COG2: variants seen among roughly 807,000 people sequenced by gnomAD.
The protein encoded by COG2 is conserved oligomeric Golgi complex subunit 2.
COG2 carries 52 observed loss-of-function variants against 90.6 expected under a neutral mutation model. That is an observed-to-expected ratio of 0.57 (90% CI 0.46 to 0.72). The LOEUF is 0.72. Ranked by LOEUF, COG2 falls within the 30% of genes least tolerant of loss-of-function variation. COG2 has a pLI of 0.00. For missense variants in COG2, 829 were observed against 891.2 expected, an observed-to-expected ratio of 0.93 and a Z score of 0.89; for synonymous variants, 337 against 320.4, an observed-to-expected ratio of 1.05 and a Z score of -0.55.
At chr1:230,647,930 T>G (rs1462123404) in intron 1 of COG2, among the ~76,000 whole-genome samples, 1 of 152,324 alleles carries the variant, frequency 6.6e-6, no homozygotes, top group Middle Eastern at 3.4e-3. Flanking sequence ...CTGTAGTAGA[T>G]TCTTCCAGTT....
intron 9 of COG2, chr1:230,678,244 T>A: frequency 2.0e-6 from 2 of 985,386 alleles, no homozygotes; most frequent in Non-Finnish European, 2.4e-6. Context: ...CCGCCTGGCT[T>A]GTCTTTTGAG....
At position 230,663,187 on chromosome 1, in the gene COG2, G is replaced by A. The variant is rs1480893180; in HGVS notation, c.347G>A (p.Arg116Gln). ...VSEGIRAVDERMSKQEDIRKK... is the reference protein window; with the variant it reads ...VSEGIRAVDEQMSKQEDIRKK... ...GAAGGAATTCGGGCAGTTGATGAAC[G>A]AATGTCTAAACAAGAGGACATTAGG... Residue 116 changes from arginine to glutamine, a missense_variant, in exon 4 of 18, where the codon CGA (arginine) becomes CAA (glutamine). Coordinates refer to ENST00000366669, the MANE Select transcript of COG2 (RefSeq NM_007357.3). 7 of 1,610,338 alleles carry A rather than the reference G, an allele frequency of 4.3e-6. No homozygotes were observed. Among genetic ancestry groups the A allele is most frequent in the Non-Finnish European group, 5.9e-6 (7 of 1,178,326 alleles).
In COG2 at chr1:230,675,110, G is replaced by A. The variant is rs17848118; in HGVS notation, c.1012G>A (p.Asp338Asn). The A allele has an allele frequency of 7.5e-5, 121 of 1,611,196 alleles. 1 individual carries two copies. The East Asian group carries it at 1.4e-3, about 19-fold the overall frequency. ...CTCGCTTTTTAATCCTGGGAATCCC[G>A]ATGCATTTCATGAGGTATCTCCCCG... is the stretch of plus-strand genomic sequence containing the variant. ...LPSLFNPGNP[D>N]AFHEKYTISM... The change falls in exon 9 of 18, where the codon GAT (aspartate) becomes AAT (asparagine). Residue 338 changes from aspartate to asparagine, a missense_variant. By Grantham distance (23) the Asp-to-Asn change is conservative. Transcript: ENST00000366669.
chr1:230,664,452 C>A, intron 4 of COG2, 32 bp from the exon 5 acceptor site: 1 of 951,356 alleles, frequency 1.1e-6, no homozygotes, highest in Non-Finnish European at 1.6e-6. Context: ...TTAAACATGA[C>A]AATAACTTTT....
chr1:230,657,914 G>A (rs149412902), intron 1 of COG2, among the ~76,000 whole-genome samples: 3,941 of 151,974 alleles, frequency 0.026, 97 homozygotes, highest in South Asian at 0.095. Context: ...TTTCAGCTCC[G>A]TCAGGTCATT....
Position 230,660,824 on chromosome 1 carries a change from G to GT in COG2, c.300+2dup. ...GGGACAATTACGAGAAGAGGTTCTG[G>GT]TAAGTTTCCCGAATAACATCAAACA... On this transcript the variant is annotated splice_donor_variant, in intron 3 of 17. Coordinates refer to ENST00000366669, the MANE Select transcript of COG2 (RefSeq NM_007357.3). LOFTEE classifies it high-confidence loss of function. 1 of 1,570,294 alleles carries GT rather than the reference G, an allele frequency of 6.4e-7. No homozygotes were observed. Among genetic ancestry groups the GT allele is most frequent in the Non-Finnish European group, 8.6e-7 (1 of 1,158,924 alleles).
intron 12 of COG2, 47 bp from the exon 13 acceptor site, chr1:230,686,888 G>T: frequency 8.1e-7 from 1 of 1,237,760 alleles, no homozygotes; most frequent in Non-Finnish European, 1.1e-6. Flanking sequence ...AAATGCTCAT[G>T]TATCTTGCTA....
At chr1:230,645,233 C>CA (rs57806034) in intron 1 of COG2, among the ~76,000 whole-genome samples, 42 of 91,012 alleles carry the variant, frequency 4.6e-4, no homozygotes, top group African/African-American at 1.4e-3. Flanking sequence ...GAGACCCTGT[C>CA]AAAAAAAAAA....
intron 9 of COG2, among the ~76,000 whole-genome samples, chr1:230,676,907 C>G (rs1328711283): frequency 6.6e-6 from 1 of 152,052 alleles, no homozygotes; most frequent in Admixed American, 6.6e-5. Flanking sequence ...CCTTTTTTCT[C>G]TGGCTGCTTT....
rs1350922259 is a variant in COG2 at position 230,668,688 on chromosome 1, T to C, written c.498T>C (p.Thr166=). 3 of 1,611,094 alleles carry C rather than the reference T, an allele frequency of 1.9e-6. No homozygotes were observed. In the Admixed American group the frequency reaches 5.0e-5, roughly 27 times the overall value. ...TTTTCTCTACTAGCCCCCTTTTGAC[T>C]GGACAAATTTTGGAGAGAATTGCCA... ...SALEASSPLL[T]GQILERIATE... Residue 166 remains threonine, a synonymous_variant, in exon 6 of 18, where the codon ACT becomes ACC. Transcript: ENST00000366669.
At chr1:230,669,667 A>G (rs574506551) in intron 7 of COG2, 132 bp downstream of exon 7, 12 of 760,832 alleles carry the variant, frequency 1.6e-5, no homozygotes, top group Middle Eastern at 8.0e-4. Flanking sequence ...AGTACCAGCT[A>G]TAAGGAAGGA....
At position 230,687,987 on chromosome 1, in the gene COG2, TAG is replaced by T. The variant is rs1396101616; in HGVS notation, c.1579-81_1579-80del. ...AAGTTCACCATTCATTAGCAAATTC[TAG>T]AGTTTGTAGATGCAAATAGAATTGC... On this transcript the variant is annotated intron_variant, in intron 13 of 17. Coordinates refer to ENST00000366669, the MANE Select transcript of COG2 (RefSeq NM_007357.3). The T allele has an allele frequency of 1.0e-5, 9 of 884,932 alleles. No individual in the cohort carries two copies. In the Admixed American group the frequency reaches 1.2e-4, roughly 12 times the overall value. 54.8% of individuals were successfully genotyped at this position (884,932 alleles called of 1,614,324 possible).
chr1:230,644,562 T>G (rs1355265764), intron 1 of COG2, among the ~76,000 whole-genome samples: 2 of 152,230 alleles, frequency 1.3e-5, no homozygotes, highest in Non-Finnish European at 2.9e-5. Context: ...TTAAAGTTGC[T>G]TGAAATCCAC....
chr1:230,658,415 C>T (rs996021827), intron 1 of COG2, among the ~76,000 whole-genome samples: 1 of 152,180 alleles, frequency 6.6e-6, no homozygotes, highest in Non-Finnish European at 1.5e-5. Context: ...CCTGTTCTTT[C>T]CTCTGGAAGC....
At chr1:230,647,306 C>T (rs1044080962) in intron 1 of COG2, among the ~76,000 whole-genome samples, 1 of 152,134 alleles carries the variant, frequency 6.6e-6, no homozygotes, top group African/African-American at 2.4e-5. Flanking sequence ...TGGAATATAT[C>T]TCCCTCAGAT....
At chr1:230,669,642 A>G in intron 7 of COG2, 107 bp downstream of exon 7, 1 of 1,028,114 alleles carries the variant, frequency 9.7e-7, no homozygotes, top group Non-Finnish European at 1.4e-6. Context: ...TTCTGGAAAG[A>G]TTCTCAGTTC....
intron 9 of COG2, chr1:230,678,077 G>T: frequency 5.1e-6 from 5 of 985,364 alleles, no homozygotes; most frequent in Non-Finnish European, 6.0e-6. Context: ...TAGATTAATG[G>T]TTTGATGACC....
At position 230,693,381 on chromosome 1, in the gene COG2, A is replaced by C; in HGVS notation, c.2205A>C (p.Ala735=). The change falls in exon 18 of 18, where the codon GCA becomes GCC. Residue 735 remains alanine, a synonymous_variant. Transcript: ENST00000366669. ...CTGCTGCCAAGGACCAGGCAACAGC[A>C]GAGCAGCCTTAAGCATCTTGGAAGA... is the stretch of plus-strand genomic sequence containing the variant. The part of the protein sequence containing the change: ...LVAAAKDQAT[A]EQP 1.2e-6 allele frequency: 2 copies of C among 1,610,868 alleles called. No homozygotes were observed. Among genetic ancestry groups the C allele is most frequent in the Non-Finnish European group, 1.7e-6 (2 of 1,177,646 alleles).
intron 9 of COG2, among the ~76,000 whole-genome samples, chr1:230,676,402 T>C (rs577553712): frequency 1.2e-4 from 18 of 152,302 alleles, no homozygotes; most frequent in African/African-American, 4.3e-4. Context: ...ACCTTACTGG[T>C]TACTTAATGG....
Sources: gnomAD v4.1 joint callset for allele counts (sites outside exome capture counted in the v4.1 genomes callset) on GRCh38, gnomAD v4.1.1 for gene constraint, MANE v1.5 for transcripts, NCBI Gene and HGNC (gene_info 2026-07-23, HGNC 2026-07-21) for gene names.